The following ADGRE3 variants were observed in gnomAD, a reference collection of about 807,000 sequenced individuals.
ADGRE3 encodes the protein adhesion G protein-coupled receptor E3.
ADGRE3 carries 88 observed loss-of-function variants against 80.1 expected under a neutral mutation model. The ratio of observed to expected loss-of-function variants is 1.10; its 90% confidence interval spans 0.93 to 1.31. The LOEUF is 1.31. Ranked by LOEUF, ADGRE3 falls within the 40% of genes most tolerant of loss-of-function variation. The pLI, the probability that ADGRE3 is intolerant of heterozygous loss-of-function variation, is 0.00. For synonymous variants in ADGRE3, 281 were observed against 294.8 expected (o/e 0.95, Z 0.48); for missense variants, 715 against 776.5 (o/e 0.92, Z 0.94).
intron 11 of ADGRE3, among the ~76,000 whole-genome samples, chr19:14,636,081 C>CTTTCCCTTTCTTT (rs1555755785): frequency 1.6e-4 from 4 of 24,662 alleles, no homozygotes; most frequent in African/African-American, 2.7e-4. Context: ...CTTTCCTTTC[C>CTTTCCCTTTCTTT]CTTTCTTTCT....
intron 11 of ADGRE3, among the ~76,000 whole-genome samples, chr19:14,634,235 C>T: frequency 6.6e-6 from 1 of 151,864 alleles, no homozygotes; most frequent in East Asian, 1.9e-4. Flanking sequence ...AAAATGAAAA[C>T]AACAAATTAC....
intron 4 of ADGRE3, among the ~76,000 whole-genome samples, chr19:14,659,125 T>A (rs1320501513): frequency 2.6e-5 from 4 of 151,764 alleles, no homozygotes; most frequent in Non-Finnish European, 1.5e-5. Flanking sequence ...AATCTCAATG[T>A]CCTGGGCTCA....
At chr19:14,666,945 A>G (rs951985939) in intron 2 of ADGRE3, among the ~76,000 whole-genome samples, 4 of 152,196 alleles carry the variant, frequency 2.6e-5, no homozygotes, top group Non-Finnish European at 4.4e-5. Flanking sequence ...ATGTCCACCC[A>G]GAACCTCAGG....
rs776060649 is a variant in ADGRE3 at position 14,644,121 on chromosome 19, G to T, written c.1037C>A (p.Ala346Asp). 1.3e-6 allele frequency: 2 copies of T among 1,550,032 alleles called. No individual in the cohort carries two copies. The highest frequency in any genetic ancestry group is 4.0e-5 in the Admixed American group (2 of 49,622). The stretch of plus-strand genomic sequence containing the variant: ...TATACATCATACCTGGCTGGTCAGG[G>T]CCATCAGGACAGCGAAGCTGGACAG... ...SHLSSFAVLMALTSQEEDPVL... is the reference protein window; with the variant it reads ...SHLSSFAVLMDLTSQEEDPVL... Residue 346 changes from alanine to aspartate, a missense_variant, in exon 9 of 16, where the codon GCC (alanine) becomes GAC (aspartate). Coordinates refer to ENST00000253673, the MANE Select transcript of ADGRE3 (RefSeq NM_032571.5).
the ADGRE3 span, chr19:14,606,894 G>T: frequency 4.3e-6 from 2 of 467,602 alleles, no homozygotes; most frequent in Admixed American, 4.6e-5. Context: ...GGGAGGTGAC[G>T]TTCCCAAGCC....
chr19:14,651,525 G>C (rs543794962), intron 6 of ADGRE3, among the ~76,000 whole-genome samples: 23 of 152,348 alleles, frequency 1.5e-4, no homozygotes, highest in South Asian at 6.2e-4. Context: ...GGAAACTGAA[G>C]TCAGAAGTTA....
At chr19:14,652,550 C>T (rs1971636085) in intron 6 of ADGRE3, among the ~76,000 whole-genome samples, 1 of 151,676 alleles carries the variant, frequency 6.6e-6, no homozygotes, top group South Asian at 2.1e-4. Flanking sequence ...CAGGCTGAGG[C>T]CAGTTGATTG....
intron 1 of ADGRE3, among the ~76,000 whole-genome samples, chr19:14,674,223 G>A (rs1327975336): frequency 6.6e-6 from 1 of 152,108 alleles, no homozygotes; most frequent in African/African-American, 2.4e-5. Context: ...GAGACCGGGT[G>A]CGGTGGCTCA....
Position 14,654,978 on chromosome 19 carries a change from T to C in ADGRE3, c.577+4A>G. On this transcript the variant is annotated splice_donor_region_variant and intron_variant, in intron 6 of 15. Transcript: ENST00000253673. ...GGGTGTATCAGTCCTCATTATTGTC[T>C]TACCTACACTATCGTTTTGGATTTT... The C allele has an allele frequency of 6.2e-7, 1 of 1,613,264 alleles. No individual in the cohort carries two copies. Among genetic ancestry groups the C allele is most frequent in the Non-Finnish European group, 8.5e-7 (1 of 1,179,470 alleles).
the ADGRE3 span, among the ~76,000 whole-genome samples, chr19:14,613,395 A>ATTTT: frequency 7.0e-6 from 1 of 143,712 alleles, no homozygotes; most frequent in Non-Finnish European, 1.5e-5. Flanking sequence ...GCTAATTTTA[A>ATTTT]TTTTTTTTTT....
chr19:14,667,793 C>T (rs901923041), intron 2 of ADGRE3, among the ~76,000 whole-genome samples: 2 of 152,058 alleles, frequency 1.3e-5, no homozygotes, highest in African/African-American at 2.4e-5. Context: ...CAAACCTGCA[C>T]GTTGTGCACA....
At chr19:14,634,921 A>G (rs957094537) in intron 11 of ADGRE3, among the ~76,000 whole-genome samples, 3 of 151,934 alleles carry the variant, frequency 2.0e-5, no homozygotes, top group African/African-American at 7.3e-5. Flanking sequence ...GTTCCCTCCT[A>G]CCTCTGATAT....
At chr19:14,632,555 G>A (rs780702324) in intron 13 of ADGRE3, among the ~76,000 whole-genome samples, 6 of 152,092 alleles carry the variant, frequency 3.9e-5, no homozygotes, top group Admixed American at 2.6e-4. Flanking sequence ...TCCCATGGAT[G>A]GGATATTGAC....
chr19:14,641,674 C>T, intron 9 of ADGRE3, 58 bp from the exon 10 acceptor site: 2 of 1,582,148 alleles, frequency 1.3e-6, no homozygotes, highest in South Asian at 1.1e-5. Flanking sequence ...TTATGGCTCC[C>T]TCCTTGAACT....
chr19:14,652,067 T>C (rs1971621229), intron 6 of ADGRE3, among the ~76,000 whole-genome samples: 1 of 151,880 alleles, frequency 6.6e-6, no homozygotes, highest in Non-Finnish European at 1.5e-5. Flanking sequence ...AGTAAATAAA[T>C]AAATAAGTGA....
intron 1 of ADGRE3, among the ~76,000 whole-genome samples, chr19:14,670,898 G>A (rs111735629): frequency 6.6e-6 from 1 of 152,184 alleles, no homozygotes; most frequent in South Asian, 2.1e-4. Context: ...GGCACTACCT[G>A]CATGGAAGTG....
chr19:14,662,054 G>A lies in ADGRE3; in HGVS notation c.264C>T (p.Val88=), dbSNP rs150826128. The A allele has an allele frequency of 2.0e-5, 33 of 1,613,836 alleles. No homozygotes were observed. The highest frequency in any genetic ancestry group is 1.6e-4 in the Middle Eastern group (1 of 6,084). ...CACATTGACAGTAGAAACTTCCTTC[G>A]ACATTGTAACACACAGCGTTAAATC... ...YCGFNAVCYN[V]EGSFYCQCVP... is the part of the protein sequence containing the mutation. The change falls in exon 4 of 16, where the codon GTC becomes GTT. Residue 88 remains valine (V), a synonymous_variant. Coordinates refer to ENST00000253673, the MANE Select transcript of ADGRE3 (RefSeq NM_032571.5).
Position 14,663,473 on chromosome 19 carries a change from T to C in ADGRE3, c.144A>G (p.Gly48=). The C allele has an allele frequency of 6.2e-7, 1 of 1,613,346 alleles. No individual in the cohort carries two copies. The highest frequency in any genetic ancestry group is 1.3e-5 in the African/African-American group (1 of 74,986). ...VNNTHCTCNH[G]YTSGSGQKLF... ...GTTTCTGCCCAGATCCAGAAGTATA[T>C]CCATGGTTGCAGGTGCAGTGAGTGT... is the stretch of plus-strand genomic sequence containing the variant. Residue 48 remains glycine, a synonymous_variant, in exon 3 of 16, where the codon GGA becomes GGG. Transcript: ENST00000253673.
chr19:14,637,176 T>C (rs1037698550), intron 11 of ADGRE3, among the ~76,000 whole-genome samples: 8 of 152,170 alleles, frequency 5.3e-5, no homozygotes, highest in African/African-American at 1.9e-4. Flanking sequence ...GTGAAACTAC[T>C]GGCTTCAGCT....
Sources: allele counts gnomAD v4.1 joint callset (sites outside exome capture counted in the v4.1 genomes callset), GRCh38; gene constraint gnomAD v4.1.1; transcripts MANE v1.5; gene names NCBI Gene and HGNC (gene_info 2026-07-23, HGNC 2026-07-21).